NTRK1: variants seen among roughly 807,000 people sequenced by gnomAD.
NTRK1 encodes the protein high affinity nerve growth factor receptor.
Under a neutral mutation model 86.8 loss-of-function variants are expected in NTRK1, and 62 were observed. That is an observed-to-expected ratio of 0.71 (90% CI 0.58 to 0.88). The LOEUF is 0.88. Among genes scored for constraint, NTRK1 ranks in the 40% least tolerant of loss-of-function variants. The pLI is 0.00. For synonymous variants in NTRK1, 469 were observed against 456.6 expected (o/e 1.03, Z -0.35); for missense variants, 967 against 1,078.4 (o/e 0.90, Z 1.45).
chr1:156,817,096 C>T (rs950070298), intron 1 of NTRK1, among the ~76,000 whole-genome samples: 25 of 115,306 alleles, frequency 2.2e-4, no homozygotes, highest in African/African-American at 7.3e-4. Context: ...GCTTCTATTT[C>T]TTTCTCTCTG....
In NTRK1 at chr1:156,874,945, T is replaced by C. The variant is rs2102912089; in HGVS notation, c.1291T>C (p.Phe431Leu). The C allele has an allele frequency of 6.2e-7, 1 of 1,613,998 alleles. No individual in the cohort carries two copies. Among genetic ancestry groups the C allele is most frequent in the Non-Finnish European group, 8.5e-7 (1 of 1,179,980 alleles). The change falls in exon 11 of 17, where the codon TTC becomes CTC. Residue 431 changes from phenylalanine to leucine, a missense_variant. Transcript: ENST00000524377. ...GGGCCTGGCCGTCTTTGCCTGCCTC[T>C]TCCTTTCTACGCTGCTCCTTGTGCT... Reference protein sequence around the residue: ...AVGLAVFACLFLSTLLLVLNK... With the variant: ...AVGLAVFACLLLSTLLLVLNK...
intron 4 of NTRK1, among the ~76,000 whole-genome samples, chr1:156,867,228 G>A (rs902690419): frequency 2.6e-5 from 4 of 152,360 alleles, no homozygotes; most frequent in Middle Eastern, 3.4e-3. Flanking sequence ...GCAGATTACA[G>A]GCCCACTGTG....
chr1:156,866,775 C>G, intron 3 of NTRK1, 135 bp from the exon 4 acceptor site: 7 of 600,844 alleles, frequency 1.2e-5, no homozygotes, highest in Admixed American at 2.1e-5. Context: ...CCTTCCAGGG[C>G]TGGTTCTGGT....
intron 2 of NTRK1, chr1:156,843,451 G>C: frequency 3.7e-6 from 6 of 1,614,234 alleles, no homozygotes; most frequent in Non-Finnish European, 4.2e-6. Flanking sequence ...AAGTACTCTG[G>C]ATTCACAGAA....
intron 3 of NTRK1, 51 bp from the exon 4 acceptor site, chr1:156,866,859 T>G: frequency 1.1e-5 from 17 of 1,583,736 alleles, no homozygotes; most frequent in Non-Finnish European, 1.5e-5. Context: ...CTGGTCAGAG[T>G]GAGGTCGGGT....
At position 156,841,817 on chromosome 1, in the gene NTRK1, G is replaced by A. The variant is rs747649273; in HGVS notation, c.-63-264G>A. ...AGTCTGGAAAGTGAGGGTGAGGGTGGAGGAGGTGTGGGGCATAAGAGCCAC... is the reference window on the plus strand; with the variant it reads ...AGTCTGGAAAGTGAGGGTGAGGGTGAAGGAGGTGTGGGGCATAAGAGCCAC... On this transcript the variant is annotated intron_variant, in intron 1 of 16. Coordinates refer to the NTRK1 transcript ENST00000392302. The A allele has an allele frequency of 2.5e-6, 4 of 1,614,118 alleles. No individual in the cohort carries two copies. The South Asian group carries it at 4.4e-5, about 18-fold the overall frequency.
At chr1:156,864,620 A>AG in intron 2 of NTRK1, 108 bp from the exon 3 acceptor site, 1 of 1,233,384 alleles carries the variant, frequency 8.1e-7, no homozygotes, top group Non-Finnish European at 1.2e-6. Flanking sequence ...GGGCCTGAGG[A>AG]GGGGTAGGGG....
At chr1:156,840,930 A>G (rs756739852) in intron 1 of NTRK1, 1 of 1,614,094 alleles carries the variant, frequency 6.2e-7, no homozygotes, top group South Asian at 1.1e-5. Context: ...GTGAGGAGTC[A>G]GGCTCTGCAT....
intron 2 of NTRK1, among the ~76,000 whole-genome samples, chr1:156,843,822 T>A (rs1654889023): frequency 6.6e-6 from 1 of 152,226 alleles, no homozygotes; most frequent in African/African-American, 2.4e-5. Flanking sequence ...CCAGGCCTCC[T>A]GCTTCTTCTC....
rs2102924908 is a variant in NTRK1, at chr1:156,879,288, G to A, written c.1972G>A (p.Val658Met). Residue 658 changes from valine to methionine, a missense_variant, in exon 15 of 17, where the codon GTG (valine) becomes ATG (methionine). This residue lies in a region of NTRK1 where 637 missense variants were observed against 776.5 expected (regional missense o/e 0.82). Transcript: ENST00000524377. ...HRDLATRNCL[V>M]GQGLVVKIGD... is the part of the protein sequence containing the mutation. ...GGACCTGGCCACACGCAACTGTCTA[G>A]TGGGCCAGGGACTGGTGGTCAAGAT... The A allele has an allele frequency of 6.2e-7, 1 of 1,613,624 alleles. No individual in the cohort carries two copies. Among genetic ancestry groups the A allele is most frequent in the Non-Finnish European group, 8.5e-7 (1 of 1,180,030 alleles).
At chr1:156,878,640 C>T (rs980608711) in intron 14 of NTRK1, among the ~76,000 whole-genome samples, 5 of 152,146 alleles carry the variant, frequency 3.3e-5, no homozygotes, top group Admixed American at 2.0e-4. Context: ...GCATCCTGGA[C>T]ACCTTCGAAA....
At chr1:156,841,837 A>G (rs1252944716) in intron 1 of NTRK1, 2 of 1,613,954 alleles carry the variant, frequency 1.2e-6, no homozygotes, top group Admixed American at 3.3e-5. Context: ...GGGGCATAAG[A>G]GCCACGCACT....
intron 1 of NTRK1, among the ~76,000 whole-genome samples, chr1:156,833,672 T>C (rs1329219794): frequency 6.6e-6 from 1 of 152,248 alleles, no homozygotes; most frequent in African/African-American, 2.4e-5. Flanking sequence ...TGCTTGTTTC[T>C]TGGCTCTAAA....
At position 156,854,034 on chromosome 1, in the gene NTRK1, C is replaced by A; in HGVS notation, c.51-10320C>A. ...GCCACGTCACGCAGATGTGGCATCT[C>A]AAAGATGACCAGTGCATAGCCCAGG... On this transcript the variant is annotated intron_variant, in intron 2 of 16. Coordinates refer to the NTRK1 transcript ENST00000392302. The surrounding 1 kb of genome is among the most constrained non-coding windows in gnomAD (Gnocchi z 4.2). The A allele has an allele frequency of 6.2e-7, 1 of 1,614,094 alleles. No individual in the cohort carries two copies.
chr1:156,853,960 C>G, intron 2 of NTRK1: 3 of 1,613,146 alleles, frequency 1.9e-6, no homozygotes, highest in East Asian at 2.2e-5. Context: ...GCTCCTGGTT[C>G]TTCTCCACAC....
intron 2 of NTRK1, among the ~76,000 whole-genome samples, chr1:156,852,610 G>T (rs2102868216): frequency 6.6e-6 from 1 of 152,318 alleles, no homozygotes; most frequent in African/African-American, 2.4e-5. Context: ...GCCGACATCT[G>T]TCGTTTTACC....
chr1:156,878,063 C>T (rs1400524744), intron 14 of NTRK1, among the ~76,000 whole-genome samples: 2 of 152,062 alleles, frequency 1.3e-5, no homozygotes, highest in Non-Finnish European at 2.9e-5. Flanking sequence ...CTGTGGGAGA[C>T]GAGGCTCTAA....
At chr1:156,868,463 A>C in intron 5 of NTRK1, 42 bp from the exon 6 acceptor site, 3 of 1,551,258 alleles carry the variant, frequency 1.9e-6, no homozygotes, top group East Asian at 4.9e-5. Flanking sequence ...GGCCACTCCC[A>C]GCTCTAACAC....
At chr1:156,827,263 TTTTTTTA>T (rs777424651) in intron 1 of NTRK1, among the ~76,000 whole-genome samples, 5,977 of 56,068 alleles carry the variant, frequency 0.11, 172 homozygotes, top group South Asian at 0.12. Context: ...TATTTTTTTA[TTTTTTTA>T]TTTTTTTTTG....
Sources: gnomAD v4.1 joint callset for allele counts (sites outside exome capture counted in the v4.1 genomes callset) on GRCh38, gnomAD v4.1.1 for gene constraint, gnomAD v4.1.1 regional missense constraint, Gnocchi (gnomAD v3.1) non-coding constraint, MANE v1.5 for transcripts, NCBI Gene and HGNC (gene_info 2026-07-23, HGNC 2026-07-21) for gene names.